PRKCA: variants seen among roughly 807,000 people sequenced by gnomAD.
The protein encoded by PRKCA is protein kinase C alpha.
A neutral mutation model predicts 87.0 loss-of-function variants in PRKCA; 27 were observed. The observed-to-expected ratio is 0.31, with a 90% confidence interval of 0.23 to 0.43. The LOEUF (loss-of-function observed/expected upper bound fraction) is 0.43. Among genes scored for constraint, PRKCA ranks in the 20% least tolerant of loss-of-function variants. PRKCA has a pLI of 1.00. For missense variants in PRKCA, 518 were observed against 852.3 expected, an observed-to-expected ratio of 0.61 and a Z score of 4.88; for synonymous variants, 329 against 311.1, an observed-to-expected ratio of 1.06 and a Z score of -0.61.
intron 3 of PRKCA, among the ~76,000 whole-genome samples, chr17:66,583,858 G>A (rs1969517986): frequency 6.6e-6 from 1 of 152,132 alleles, no homozygotes; most frequent in Non-Finnish European, 1.5e-5. Flanking sequence ...CCAACATTGT[G>A]CAGCTAAGTA....
intron 8 of PRKCA, among the ~76,000 whole-genome samples, chr17:66,711,752 G>C (rs1973334891): frequency 6.6e-6 from 1 of 152,104 alleles, no homozygotes. Flanking sequence ...CCCCAAGCTG[G>C]AATCCACATC....
At chr17:66,619,719 G>A (rs1489857655) in intron 3 of PRKCA, among the ~76,000 whole-genome samples, 1 of 152,136 alleles carries the variant, frequency 6.6e-6, no homozygotes, top group African/African-American at 2.4e-5. Flanking sequence ...CCGTCTCAGT[G>A]TCTCAAGGAA....
At chr17:66,351,992 T>C (rs917316427) in intron 2 of PRKCA, among the ~76,000 whole-genome samples, 1 of 152,312 alleles carries the variant, frequency 6.6e-6, no homozygotes, top group South Asian at 2.1e-4. Context: ...GTCGTGAGCA[T>C]ACCTCTGCCT....
chr17:66,510,090 G>A (rs1288294476), intron 3 of PRKCA, among the ~76,000 whole-genome samples: 1 of 152,144 alleles, frequency 6.6e-6, no homozygotes, highest in Non-Finnish European at 1.5e-5. Context: ...AAGCAGAAAA[G>A]AGGGATGAGG....
chr17:66,349,969 A>G (rs1384809491), intron 2 of PRKCA, among the ~76,000 whole-genome samples: 1 of 152,008 alleles, frequency 6.6e-6, no homozygotes, highest in Non-Finnish European at 1.5e-5. Flanking sequence ...AGGTTAAAAA[A>G]AAAGTCCACC....
At chr17:66,697,807 T>C (rs1464376138) in intron 8 of PRKCA, among the ~76,000 whole-genome samples, 1 of 145,388 alleles carries the variant, frequency 6.9e-6, no homozygotes, top group Non-Finnish European at 1.5e-5. Context: ...ACCCCCAGAC[T>C]GAGTCCCTAA....
chr17:66,353,004 T>C (rs1386886548), intron 2 of PRKCA, among the ~76,000 whole-genome samples: 2 of 152,204 alleles, frequency 1.3e-5, no homozygotes, highest in Non-Finnish European at 2.9e-5. Flanking sequence ...GTTTTTAATA[T>C]CCTGTTAGAC....
chr17:66,368,368 A>ATG (rs2143518260), intron 2 of PRKCA, among the ~76,000 whole-genome samples: 1 of 35,336 alleles, frequency 2.8e-5, no homozygotes, highest in South Asian at 1.8e-3. Flanking sequence ...GTATATGTAT[A>ATG]TATATATATA....
chr17:66,471,600 C>T (rs1016539120), intron 2 of PRKCA, among the ~76,000 whole-genome samples: 38 of 151,304 alleles, frequency 2.5e-4, no homozygotes, highest in Admixed American at 2.5e-3. Context: ...CATTTTCAAA[C>T]AGGTGAGTCT....
chr17:66,613,116 T>C (rs16959712), intron 3 of PRKCA, among the ~76,000 whole-genome samples: 3,305 of 152,286 alleles, frequency 0.022, 138 homozygotes, highest in African/African-American at 0.075. Flanking sequence ...TGTTCATTGG[T>C]GTATTTGACA....
chr17:66,326,179 A>T (rs1464915672), intron 2 of PRKCA, among the ~76,000 whole-genome samples: 1 of 152,222 alleles, frequency 6.6e-6, no homozygotes, highest in Non-Finnish European at 1.5e-5. Flanking sequence ...AAATCACACT[A>T]CGTGACTGGG....
At chr17:66,660,898 G>A (rs1971877881) in intron 5 of PRKCA, among the ~76,000 whole-genome samples, 1 of 151,348 alleles carries the variant, frequency 6.6e-6, no homozygotes, top group South Asian at 2.1e-4. Context: ...AACAGAGCAA[G>A]ACGCTGTCTT....
chr17:66,660,468 C>T (rs1479388692), intron 5 of PRKCA, among the ~76,000 whole-genome samples: 3 of 152,088 alleles, frequency 2.0e-5, no homozygotes, highest in Non-Finnish European at 4.4e-5. Context: ...CCTTTATTTC[C>T]ATGTTAGGGG....
At chr17:66,768,324 T>C (rs1294854367) in intron 13 of PRKCA, among the ~76,000 whole-genome samples, 2 of 151,408 alleles carry the variant, frequency 1.3e-5, no homozygotes, top group South Asian at 2.1e-4. Context: ...TGGACTCAAG[T>C]GATCCTCTTG....
chr17:66,508,186 C>T (rs547601644), intron 3 of PRKCA, among the ~76,000 whole-genome samples: 89 of 152,294 alleles, frequency 5.8e-4, no homozygotes, highest in Non-Finnish European at 9.4e-4. Context: ...CACCCTCAAA[C>T]GTAGAGGCTT....
At chr17:66,511,747 C>T (rs1917241377) in intron 3 of PRKCA, among the ~76,000 whole-genome samples, 1 of 150,220 alleles carries the variant, frequency 6.7e-6, no homozygotes, top group Non-Finnish European at 1.5e-5. Context: ...GTGGTGTGAT[C>T]TTGGCTCACT....
At chr17:66,705,579 C>T (rs1293277227) in intron 8 of PRKCA, among the ~76,000 whole-genome samples, 1 of 152,196 alleles carries the variant, frequency 6.6e-6, no homozygotes, top group African/African-American at 2.4e-5. Flanking sequence ...ACAGGGATGG[C>T]CTTGTGGGTG....
chr17:66,375,569 T>C (rs1240152727), intron 2 of PRKCA, among the ~76,000 whole-genome samples: 1 of 152,186 alleles, frequency 6.6e-6, no homozygotes, highest in East Asian at 1.9e-4. Flanking sequence ...CATATCATAT[T>C]CCAAATGTTC....
chr17:66,384,952 T>C (rs896862430), intron 2 of PRKCA, among the ~76,000 whole-genome samples: 4 of 152,218 alleles, frequency 2.6e-5, no homozygotes, highest in Non-Finnish European at 5.9e-5. Flanking sequence ...TACTAGTATG[T>C]GTCCGTAAAT....
Sources: allele counts gnomAD v4.1 joint callset (sites outside exome capture counted in the v4.1 genomes callset), GRCh38; gene constraint gnomAD v4.1.1; transcripts MANE v1.5; gene names NCBI Gene and HGNC (gene_info 2026-07-23, HGNC 2026-07-21).